Variants in ATP6V0A1 observed in about 807,000 individuals in gnomAD.
ATP6V0A1 encodes ATPase H+ transporting V0 subunit a1, also known as V-type proton ATPase 116 kDa subunit a 1.
In ATP6V0A1, 43 loss-of-function variants were observed where a neutral mutation model predicts 105.4. That is an observed-to-expected ratio of 0.41 (90% CI 0.32 to 0.53). The LOEUF (loss-of-function observed/expected upper bound fraction) is 0.53, where lower values mean the gene tolerates loss of function less well. Among genes scored for constraint, ATP6V0A1 ranks in the 20% least tolerant of loss-of-function variants. The pLI is 0.30. For synonymous variants in ATP6V0A1, 362 were observed against 372.8 expected (o/e 0.97, Z 0.33); for missense variants, 676 against 1,051.1 (o/e 0.64, Z 4.93).
intron 15 of ATP6V0A1, among the ~76,000 whole-genome samples, chr17:42,500,100 G>C (rs2091547180): frequency 6.8e-6 from 1 of 147,610 alleles, no homozygotes. Flanking sequence ...AAAAAGTTAT[G>C]AACTGTGGTC....
chr17:42,467,296 G>A (rs1336067086), intron 3 of ATP6V0A1, among the ~76,000 whole-genome samples: 1 of 152,146 alleles, frequency 6.6e-6, no homozygotes, highest in Non-Finnish European at 1.5e-5. Context: ...GATTAGAGAG[G>A]CTTAATGACT....
chr17:42,477,582 C>T (rs1478393626), intron 5 of ATP6V0A1, 78 bp from the exon 6 acceptor site: 7 of 1,462,080 alleles, frequency 4.8e-6, no homozygotes, highest in African/African-American at 4.2e-5. Context: ...CCTGGTTCCT[C>T]GTTGCCTGCA....
At chr17:42,481,674 T>C (rs868809888) in intron 8 of ATP6V0A1, among the ~76,000 whole-genome samples, 2 of 152,128 alleles carry the variant, frequency 1.3e-5, no homozygotes, top group African/African-American at 4.8e-5. Flanking sequence ...TGAGACCCCA[T>C]GTCTATAAAA....
chr17:42,462,998 C>CTTTTTTTTTT (rs35135162), intron 2 of ATP6V0A1, among the ~76,000 whole-genome samples: 3 of 66,174 alleles, frequency 4.5e-5, no homozygotes, highest in East Asian at 5.0e-4. Flanking sequence ...GGATATGGAA[C>CTTTTTTTTTT]TTTTTTTTTT....
intron 21 of ATP6V0A1, among the ~76,000 whole-genome samples, chr17:42,516,399 T>G (rs1567875125): frequency 2.0e-5 from 3 of 152,040 alleles, no homozygotes; most frequent in South Asian, 2.1e-4. Context: ...CTGGCCTGGC[T>G]CTCTCCCTCC....
intron 17 of ATP6V0A1, among the ~76,000 whole-genome samples, chr17:42,502,018 G>A (rs1193085642): frequency 6.6e-6 from 1 of 152,146 alleles, no homozygotes; most frequent in African/African-American, 2.4e-5. Context: ...TGGGGACAGA[G>A]TGAGACTCTG....
In ATP6V0A1 at chr17:42,463,374, T is replaced by C. The variant is rs1254078799; in HGVS notation, c.117+2363T>C. 5.9e-5 allele frequency among the ~76,000 whole-genome samples: 9 copies of C among 152,164 alleles called. No homozygotes were observed. In the East Asian group the frequency reaches 1.7e-3, roughly 29 times the overall value. On this transcript the variant is annotated intron_variant, in intron 2 of 21. Coordinates refer to ENST00000343619, the MANE Select transcript of ATP6V0A1 (RefSeq NM_001130021.3). The stretch of plus-strand genomic sequence containing the variant: ...CTAGTCAGTTGCTACCCTTCATAGG[T>C]AACCTCTGTTTTGATTGCTGTCATC...
intron 14 of ATP6V0A1, chr17:42,496,538 A>G (rs1310638266): frequency 6.6e-6 from 1 of 151,818 alleles, no homozygotes; most frequent in Admixed American, 6.6e-5. Context: ...CTGACTGCTG[A>G]GGAAAAAAAA....
At chr17:42,473,524 C>T (rs1037391837) in intron 5 of ATP6V0A1, among the ~76,000 whole-genome samples, 1 of 152,242 alleles carries the variant, frequency 6.6e-6, no homozygotes, top group African/African-American at 2.4e-5. Flanking sequence ...CTGCTACCCA[C>T]AGATCTGATG....
At chr17:42,494,273 A>T in intron 11 of ATP6V0A1, 61 bp from the exon 12 acceptor site, 1 of 1,481,388 alleles carries the variant, frequency 6.8e-7, no homozygotes. Flanking sequence ...AGAATGTAAT[A>T]TTTGTGGAAT....
chr17:42,520,124 G>A (rs9889774), intron 21 of ATP6V0A1: 4 of 241,916 alleles, frequency 1.7e-5, no homozygotes, highest in African/African-American at 4.5e-5. Flanking sequence ...CAGCCCCCAC[G>A]CCTGCCTGTT....
At chr17:42,464,756 C>T (rs1437469700) in intron 2 of ATP6V0A1, among the ~76,000 whole-genome samples, 4 of 152,060 alleles carry the variant, frequency 2.6e-5, no homozygotes, top group Non-Finnish European at 5.9e-5. Flanking sequence ...TACACACATA[C>T]GTGATTAAGC....
intron 5 of ATP6V0A1, 95 bp downstream of exon 5, chr17:42,470,313 G>A (rs959761055): frequency 1.3e-5 from 19 of 1,477,238 alleles, no homozygotes; most frequent in African/African-American, 4.2e-5. Flanking sequence ...TAATTTGCTA[G>A]TTTGGAAGCA....
chr17:42,521,198 T>G lies in ATP6V0A1; in HGVS notation c.*78T>G. 8 of 1,333,542 alleles carry G rather than the reference T, an allele frequency of 6.0e-6. No homozygotes were observed. The allele number at this position is 1,333,542 out of a possible 1,614,324, so 82.6% of individuals were successfully genotyped here. On this transcript the variant is annotated 3_prime_UTR_variant, in exon 22 of 22. Coordinates refer to ENST00000343619, the MANE Select transcript of ATP6V0A1 (RefSeq NM_001130021.3). The surrounding 1 kb of genome is among the most constrained non-coding windows in gnomAD (Gnocchi z 4.8). ...TGATCAGCTGTGCCTCTCTGCCTGT[T>G]GGTTGTGATCTGTGGGCACCAGCTC...
chr17:42,468,131 A>T, intron 4 of ATP6V0A1, 24 bp downstream of exon 4: 1 of 1,492,520 alleles, frequency 6.7e-7, no homozygotes, highest in Non-Finnish European at 9.1e-7. Context: ...GGAAAACCAG[A>T]AAAGTTTCTT....
In ATP6V0A1 at chr17:42,466,503, G is replaced by A. The variant is rs2087076765; in HGVS notation, c.192G>A (p.Lys64=). The A allele has an allele frequency of 6.2e-7, 1 of 1,612,394 alleles. No homozygotes were observed. Among genetic ancestry groups the A allele is most frequent in the Non-Finnish European group, 8.5e-7 (1 of 1,178,608 alleles). The change falls in exon 3 of 22, where the codon AAG becomes AAA. Residue 64 remains lysine, a synonymous_variant. Transcript: ENST00000343619. ...EVRRCEEMDR[K]LRFVEKEIRK... is the part of the protein sequence containing the mutation. ...GAAGATGTGAAGAAATGGATCGAAAGCTTCGTATGTGCACTTTGGTCTTGT... is the reference window on the plus strand; with the variant it reads ...GAAGATGTGAAGAAATGGATCGAAAACTTCGTATGTGCACTTTGGTCTTGT...
rs376094792 is a variant in ATP6V0A1 at position 42,495,582 on chromosome 17, C to G, written c.1470-44C>G. ...CAGTTTCTGGACCCTTGTTGTTTCCCTCTCTTGTTCAAAAATAATGTGACT... is the reference window on the plus strand; with the variant it reads ...CAGTTTCTGGACCCTTGTTGTTTCCGTCTCTTGTTCAAAAATAATGTGACT... On this transcript the variant is annotated intron_variant, in intron 13 of 21. Transcript: ENST00000343619. 63 of 1,484,794 alleles carry G rather than the reference C, an allele frequency of 4.2e-5. No homozygotes were observed. In the African/African-American group the frequency reaches 8.1e-4, roughly 19 times the overall value. 92.0% of individuals were successfully genotyped at this position (1,484,794 alleles called of 1,614,324 possible).
chr17:42,500,258 C>T (rs2091558896), intron 15 of ATP6V0A1, among the ~76,000 whole-genome samples: 1 of 152,084 alleles, frequency 6.6e-6, no homozygotes, highest in South Asian at 2.1e-4. Context: ...GCGGGCAGAT[C>T]ACCTGATGTC....
At chr17:42,507,303 G>T in intron 17 of ATP6V0A1, 1 of 494,184 alleles carries the variant, frequency 2.0e-6, no homozygotes, top group South Asian at 2.2e-5. Context: ...CTGAAGCAGG[G>T]TAAGGTGGTA....
Sources: allele counts gnomAD v4.1 joint callset (sites outside exome capture counted in the v4.1 genomes callset), GRCh38; gene constraint gnomAD v4.1.1; non-coding constraint Gnocchi (gnomAD v3.1); transcripts MANE v1.5; gene names NCBI Gene and HGNC (gene_info 2026-07-23, HGNC 2026-07-21).